The following GRID1 variants were observed in gnomAD, a reference collection of about 807,000 sequenced individuals.
The protein encoded by GRID1 is glutamate receptor ionotropic, delta-1.
In GRID1, 28 loss-of-function variants were observed where a neutral mutation model predicts 98.0. The ratio of observed to expected loss-of-function variants is 0.29; its 90% CI spans 0.21 to 0.39. The LOEUF is 0.39. GRID1 is among the 10% of genes least tolerant of loss of function. The probability of loss-of-function intolerance (pLI) is 1.00; values close to 1 mark genes in which losing one functional copy is unlikely to be tolerated. For synonymous variants in GRID1, 553 were observed against 538.5 expected (o/e 1.03, Z -0.37); for missense variants, 1,111 against 1,340.5 (o/e 0.83, Z 2.67).
intron 5 of GRID1, among the ~76,000 whole-genome samples, chr10:85,887,434 A>C (rs1413982004): frequency 6.6e-6 from 1 of 152,164 alleles, no homozygotes; most frequent in African/African-American, 2.4e-5. Context: ...CTTGCCAAAG[A>C]GGGTTCTTTT....
At chr10:85,870,345 C>T (rs573432350) in intron 5 of GRID1, among the ~76,000 whole-genome samples, 2 of 152,372 alleles carry the variant, frequency 1.3e-5, no homozygotes, top group East Asian at 3.9e-4. Flanking sequence ...CTCAGGCCTT[C>T]GGCCACAGGC....
intron 8 of GRID1, among the ~76,000 whole-genome samples, chr10:85,816,047 G>A (rs748557920): frequency 6.6e-6 from 1 of 151,990 alleles, no homozygotes; most frequent in Non-Finnish European, 1.5e-5. Flanking sequence ...AAAATGTGGA[G>A]CAAAAAGAAC....
intron 2 of GRID1, among the ~76,000 whole-genome samples, chr10:86,352,201 G>A (rs1308571963): frequency 1.3e-5 from 2 of 152,160 alleles, no homozygotes; most frequent in Non-Finnish European, 2.9e-5. Context: ...AGAGGTACAT[G>A]GATCTTCAGC....
chr10:85,700,854 A>C (rs1841442657), intron 12 of GRID1, among the ~76,000 whole-genome samples: 1 of 152,212 alleles, frequency 6.6e-6, no homozygotes, highest in African/African-American at 2.4e-5. Flanking sequence ...CATGTCTTTT[A>C]AGGAATGTAT....
At chr10:86,137,368 C>T (rs907279873) in intron 4 of GRID1, among the ~76,000 whole-genome samples, 1 of 152,190 alleles carries the variant, frequency 6.6e-6, no homozygotes, top group Non-Finnish European at 1.5e-5. Context: ...GGAGCTGGGA[C>T]TTGCCCCCAC....
intron 3 of GRID1, among the ~76,000 whole-genome samples, chr10:86,170,795 G>A (rs779179516): frequency 6.6e-6 from 1 of 152,178 alleles, no homozygotes; most frequent in Non-Finnish European, 1.5e-5. Context: ...AAGCTATTTG[G>A]GGTCACGTTC....
rs887873964 is a variant in GRID1, at chr10:85,792,880, G to T, written c.1233+61616C>A. Among the ~76,000 whole-genome samples the T allele has an allele frequency of 4.5e-4, 68 of 152,336 alleles. 1 individual carries two copies. The highest frequency in any genetic ancestry group is 1.6e-3 in the African/African-American group (66 of 41,584). On this transcript the variant is annotated intron_variant, in intron 8 of 15. Transcript: ENST00000327946. Reference sequence around the variant, plus strand: ...GTGGGCCAGCAGAGCAGACAGAGAAGTGTCAGCAGGAGCACTTGCCTGTCA... The same window carrying T: ...GTGGGCCAGCAGAGCAGACAGAGAATTGTCAGCAGGAGCACTTGCCTGTCA...
chr10:86,084,710 G>T lies in GRID1; in HGVS notation c.726+54109C>A, dbSNP rs1844025912. ...ATATGACTTAGCCTTAAAAAGGAAG[G>T]AAATTCTGACATATGCTACAACATG... On this transcript the variant is annotated intron_variant, in intron 4 of 15. Coordinates refer to ENST00000327946, the MANE Select transcript of GRID1 (RefSeq NM_017551.3). 2.0e-5 allele frequency among the ~76,000 whole-genome samples: 3 copies of T among 152,164 alleles called. No homozygotes were observed. The South Asian group carries it at 6.2e-4, about 32-fold the overall frequency.
chr10:85,818,887 T>A (rs2131749152), intron 8 of GRID1, among the ~76,000 whole-genome samples: 1 of 152,014 alleles, frequency 6.6e-6, no homozygotes, highest in East Asian at 1.9e-4. Flanking sequence ...CTGGATAATT[T>A]TTTTGTATTT....
chr10:85,767,512 T>A (rs1259572302), intron 8 of GRID1, among the ~76,000 whole-genome samples: 2 of 152,242 alleles, frequency 1.3e-5, no homozygotes, highest in Non-Finnish European at 2.9e-5. Context: ...AGAACTTTGT[T>A]AAATGAATAG....
In GRID1 at chr10:86,248,878, C is replaced by T. The variant is rs117452014; in HGVS notation, c.236-42230G>A. Reference sequence around the variant, plus strand: ...CCCAGCCTGGGCATGACGATTCTTACCTCTCAGTTGCTATCAAGATTGAAG... The same window carrying T: ...CCCAGCCTGGGCATGACGATTCTTATCTCTCAGTTGCTATCAAGATTGAAG... On this transcript the variant is annotated intron_variant, in intron 2 of 15. Coordinates refer to ENST00000327946, the MANE Select transcript of GRID1 (RefSeq NM_017551.3). Among the ~76,000 whole-genome samples, 932 of 152,302 alleles carry T rather than the reference C, an allele frequency of 6.1e-3. 26 individuals carry two copies. Among genetic ancestry groups the T allele is most frequent in the East Asian group, 0.02 (102 of 5,182 alleles).
At chr10:86,364,922 C>T (rs1387705484) in intron 1 of GRID1, among the ~76,000 whole-genome samples, 1 of 152,172 alleles carries the variant, frequency 6.6e-6, no homozygotes, top group Non-Finnish European at 1.5e-5. Context: ...TTCCACGGAC[C>T]CTGCGCTTCC....
chr10:85,710,439 C>T (rs543938499), intron 12 of GRID1, among the ~76,000 whole-genome samples: 1 of 152,124 alleles, frequency 6.6e-6, no homozygotes, highest in Admixed American at 6.5e-5. Context: ...TGCAGCTGTA[C>T]CCTTGCCTTA....
chr10:86,084,370 G>GA (rs1844020214), intron 4 of GRID1, among the ~76,000 whole-genome samples: 2 of 151,978 alleles, frequency 1.3e-5, no homozygotes, highest in Admixed American at 1.3e-4. Context: ...GAAAAAGAAA[G>GA]AAAATACGTA....
chr10:85,712,484 C>CA (rs1271690256), intron 12 of GRID1, among the ~76,000 whole-genome samples: 1 of 151,806 alleles, frequency 6.6e-6, no homozygotes, highest in African/African-American at 2.4e-5. Context: ...TTGGGGACAT[C>CA]AATGCCCCAC....
Position 85,622,205 on chromosome 10 carries a change from C to T in GRID1, c.2194-2172G>A, listed in dbSNP as rs894083832. The stretch of plus-strand genomic sequence containing the variant: ...GAGCACAGCTGCATGAAAGCACCCA[C>T]ATTTATAGTCCTGCTGGCCTAAGCT... On this transcript the variant is annotated intron_variant, in intron 13 of 15. Transcript: ENST00000327946. Among the ~76,000 whole-genome samples, 2 of 152,012 alleles carry T rather than the reference C, an allele frequency of 1.3e-5. 1 individual carries two copies. Among genetic ancestry groups the T allele is most frequent in the South Asian group, 4.2e-4 (2 of 4,814 alleles).
intron 5 of GRID1, 51 bp from the exon 6 acceptor site, chr10:85,869,231 G>A (rs775675111): frequency 1.3e-6 from 2 of 1,509,334 alleles, no homozygotes; most frequent in Non-Finnish European, 1.8e-6. Context: ...AACTATCTCT[G>A]CAAGAGACCT....
At chr10:85,959,661 C>G (rs990304510) in intron 4 of GRID1, among the ~76,000 whole-genome samples, 1 of 152,138 alleles carries the variant, frequency 6.6e-6, no homozygotes, top group African/African-American at 2.4e-5. Context: ...TTCTTTTGCT[C>G]AGCATAATGT....
chr10:86,020,820 G>A (rs1351462828), intron 4 of GRID1, among the ~76,000 whole-genome samples: 2 of 152,156 alleles, frequency 1.3e-5, no homozygotes, highest in African/African-American at 4.8e-5. Flanking sequence ...TTCCTTGTGG[G>A]TTTGATGACA....
Sources: gnomAD v4.1 joint callset for allele counts (sites outside exome capture counted in the v4.1 genomes callset) on GRCh38, gnomAD v4.1.1 for gene constraint, MANE v1.5 for transcripts, NCBI Gene and HGNC (gene_info 2026-07-23, HGNC 2026-07-21) for gene names.